Variants in MECOM observed in about 807,000 individuals in gnomAD.
MECOM encodes the protein MDS1 and EVI1 complex locus.
MECOM carries 13 observed loss-of-function variants against 116.3 expected under a neutral mutation model. That is an observed-to-expected ratio of 0.11 (90% CI 0.07 to 0.18). The LOEUF (loss-of-function observed/expected upper bound fraction) is 0.18, where lower values mean the gene tolerates loss of function less well. Ranked by LOEUF, MECOM falls within the 10% of genes least tolerant of loss-of-function variation. The probability of loss-of-function intolerance (pLI) is 1.00; values close to 1 mark genes in which losing one functional copy is unlikely to be tolerated. For synonymous variants in MECOM, 528 were observed against 535.2 expected (o/e 0.99, Z 0.19); for missense variants, 1,299 against 1,509.0 (o/e 0.86, Z 2.31).
At chr3:169,341,403 C>T (rs6802743) in intron 2 of MECOM, among the ~76,000 whole-genome samples, 36,730 of 98,190 alleles carry the variant, frequency 0.37, 5,804 homozygotes, top group Admixed American at 0.51. Flanking sequence ...GGGAGGTTGG[C>T]GGGGGAGGTG....
At chr3:169,153,555 T>C (rs1380490961) in intron 2 of MECOM, among the ~76,000 whole-genome samples, 1 of 152,216 alleles carries the variant, frequency 6.6e-6, no homozygotes, top group Non-Finnish European at 1.5e-5. Flanking sequence ...TTAATTTTAA[T>C]TAATTCAATC....
intron 2 of MECOM, among the ~76,000 whole-genome samples, chr3:169,222,584 A>T (rs894316910): frequency 6.6e-6 from 1 of 152,222 alleles, no homozygotes. Context: ...GGAAATGCTG[A>T]CAGGGGTCAG....
At chr3:169,312,088 CGCCACTAGA>C (rs1718885999) in intron 2 of MECOM, among the ~76,000 whole-genome samples, 1 of 152,026 alleles carries the variant, frequency 6.6e-6, no homozygotes, top group Non-Finnish European at 1.5e-5. Flanking sequence ...TGAGTTGGGA[CGCCACTAGA>C]GAGTCTGGAA....
intron 2 of MECOM, among the ~76,000 whole-genome samples, chr3:169,186,382 G>GAGGA (rs1746760599): frequency 2.6e-5 from 1 of 38,610 alleles, no homozygotes; most frequent in African/African-American, 9.5e-5. Context: ...GGAAGGAAGG[G>GAGGA]AGGGAGGGAG....
intron 2 of MECOM, among the ~76,000 whole-genome samples, chr3:169,259,630 G>A (rs1039763904): frequency 6.6e-6 from 1 of 152,196 alleles, no homozygotes; most frequent in Non-Finnish European, 1.5e-5. Context: ...TCGGGAGGCT[G>A]AGGCAGGTGG....
At chr3:169,148,061 C>T (rs2149315866) in intron 2 of MECOM, among the ~76,000 whole-genome samples, 1 of 151,692 alleles carries the variant, frequency 6.6e-6, no homozygotes, top group East Asian at 2.0e-4. Flanking sequence ...TAATTTATTC[C>T]CTTCATTCTT....
intron 2 of MECOM, among the ~76,000 whole-genome samples, chr3:169,246,767 G>A (rs559602973): frequency 3.2e-4 from 48 of 152,068 alleles, no homozygotes; most frequent in Non-Finnish European, 5.6e-4. Flanking sequence ...TGATCCGCCC[G>A]CCTTGGCCTC....
chr3:169,310,008 G>A (rs1233528579), intron 2 of MECOM, among the ~76,000 whole-genome samples: 1 of 152,198 alleles, frequency 6.6e-6, no homozygotes, highest in Non-Finnish European at 1.5e-5. Flanking sequence ...TGCAGGACAA[G>A]TGTGGCCTTG....
At chr3:169,258,131 A>T (rs1757089067) in intron 2 of MECOM, among the ~76,000 whole-genome samples, 1 of 152,134 alleles carries the variant, frequency 6.6e-6, no homozygotes, top group African/African-American at 2.4e-5. Flanking sequence ...GAGGCAGAAG[A>T]ATCACTTGAA....
intron 1 of MECOM, among the ~76,000 whole-genome samples, chr3:169,421,190 G>A (rs1305917207): frequency 6.6e-6 from 1 of 152,110 alleles, no homozygotes; most frequent in Non-Finnish European, 1.5e-5. Context: ...CTAGTTCTTT[G>A]AAGGCTAAAC....
At chr3:169,328,525 A>G (rs564316946) in intron 2 of MECOM, among the ~76,000 whole-genome samples, 3 of 152,348 alleles carry the variant, frequency 2.0e-5, no homozygotes, top group South Asian at 2.1e-4. Flanking sequence ...AAAACATTCT[A>G]TTATGGAAAA....
chr3:169,378,214 C>G (rs1299022857), intron 2 of MECOM, among the ~76,000 whole-genome samples: 1 of 151,128 alleles, frequency 6.6e-6, no homozygotes, highest in Non-Finnish European at 1.5e-5. Context: ...TGAGAAATAC[C>G]TAATGTAGAT....
chr3:169,146,800 G>A (rs1186460833), intron 2 of MECOM: 11 of 1,127,562 alleles, frequency 9.8e-6, no homozygotes, highest in Non-Finnish European at 1.2e-5. Flanking sequence ...AAAATAATCA[G>A]CAGCCCCCAA....
intron 2 of MECOM, among the ~76,000 whole-genome samples, chr3:169,200,803 G>A (rs1274885527): frequency 2.0e-5 from 3 of 152,038 alleles, no homozygotes; most frequent in Non-Finnish European, 2.9e-5. Context: ...CTTCATTCTA[G>A]CATTGTTCTG....
chr3:169,553,122 T>C (rs1761602783), intron 1 of MECOM, among the ~76,000 whole-genome samples: 1 of 151,770 alleles, frequency 6.6e-6, no homozygotes, highest in Admixed American at 6.6e-5. Flanking sequence ...ACTCAAGAAA[T>C]CATTCCTTAC....
chr3:169,528,967 C>T lies in MECOM; in HGVS notation c.37+134369G>A, dbSNP rs557778099. On this transcript the variant is annotated intron_variant, in intron 1 of 16. Coordinates refer to ENST00000651503, the MANE Select transcript of MECOM (RefSeq NM_004991.4). ...AGCATCTCTTAAATAAACAAAAACA[C>T]TTTTTAAAAATCCAAACCTCACTTT... 2.6e-5 allele frequency among the ~76,000 whole-genome samples: 4 copies of T among 152,304 alleles called. No homozygotes were observed. In the East Asian group the frequency reaches 7.7e-4, roughly 29 times the overall value.
rs185595191 is a variant in MECOM, at chr3:169,111,963, T to C, written c.2577+824A>G. 3.3e-4 allele frequency among the ~76,000 whole-genome samples: 51 copies of C among 152,260 alleles called. No individual in the cohort carries two copies. The East Asian group carries it at 9.1e-3, about 27-fold the overall frequency. On this transcript the variant is annotated intron_variant, in intron 9 of 16. Coordinates refer to ENST00000651503, the MANE Select transcript of MECOM (RefSeq NM_004991.4). ...CATATTACAACAGAACAAATTAGTT[T>C]ATTCTATTTTTAAGAATTTTTATTA...
intron 1 of MECOM, among the ~76,000 whole-genome samples, chr3:169,470,935 AG>A (rs1432128632): frequency 6.6e-6 from 1 of 152,048 alleles, no homozygotes; most frequent in Non-Finnish European, 1.5e-5. Flanking sequence ...CTTTTGTTTT[AG>A]GGGGGCTTGT....
At chr3:169,364,064 T>C (rs1386399727) in intron 2 of MECOM, among the ~76,000 whole-genome samples, 2 of 151,954 alleles carry the variant, frequency 1.3e-5, no homozygotes, top group African/African-American at 4.8e-5. Flanking sequence ...TACTCTTAAG[T>C]ACATCTGTTC....
Sources: allele counts gnomAD v4.1 joint callset (sites outside exome capture counted in the v4.1 genomes callset), GRCh38; gene constraint gnomAD v4.1.1; transcripts MANE v1.5; gene names NCBI Gene and HGNC (gene_info 2026-07-23, HGNC 2026-07-21).